TMEM161B: variants seen among roughly 807,000 people sequenced by gnomAD.
The protein encoded by TMEM161B is transmembrane protein 161B.
TMEM161B carries 34 observed loss-of-function variants against 61.8 expected under a neutral mutation model. The ratio of observed to expected loss-of-function variants is 0.55; its 90% CI spans 0.42 to 0.73. The LOEUF (loss-of-function observed/expected upper bound fraction) is 0.73, where lower values mean the gene tolerates loss of function less well. Among genes scored for constraint, TMEM161B ranks in the 30% least tolerant of loss-of-function variants. The pLI is 0.00. For missense variants in TMEM161B, 456 were observed against 558.5 expected (o/e 0.82, Z 1.85); for synonymous variants, 167 against 192.8 (o/e 0.87, Z 1.11).
At chr5:88,262,123 C>T (rs1005226255) in intron 1 of TMEM161B, among the ~76,000 whole-genome samples, 10 of 152,206 alleles carry the variant, frequency 6.6e-5, no homozygotes, top group Middle Eastern at 3.4e-3. Flanking sequence ...CCTTAAAAGA[C>T]ACCTCACCAA....
At chr5:88,224,530 G>T (rs1282105224) in intron 4 of TMEM161B, among the ~76,000 whole-genome samples, 1 of 152,108 alleles carries the variant, frequency 6.6e-6, no homozygotes, top group African/African-American at 2.4e-5. Context: ...GACCTATTTG[G>T]AAATAAATGG....
chr5:88,239,311 A>G (rs1000821051), intron 2 of TMEM161B, among the ~76,000 whole-genome samples: 1 of 151,998 alleles, frequency 6.6e-6, no homozygotes, highest in African/African-American at 2.4e-5. Flanking sequence ...TAAGGAAGTG[A>G]CATTACATCA....
At chr5:88,208,383 G>A (rs1369029686) in intron 5 of TMEM161B, among the ~76,000 whole-genome samples, 7 of 152,222 alleles carry the variant, frequency 4.6e-5, no homozygotes, top group African/African-American at 1.4e-4. Flanking sequence ...TAGGGAGGCT[G>A]TGGCAGCAGA....
intron 2 of TMEM161B, among the ~76,000 whole-genome samples, chr5:88,229,864 G>A (rs375248067): frequency 2.2e-3 from 328 of 151,638 alleles, no homozygotes; most frequent in African/African-American, 7.7e-3. Context: ...GGGATTATAA[G>A]CATTAGCCAT....
chr5:88,263,020 T>G (rs1298461848), intron 1 of TMEM161B, among the ~76,000 whole-genome samples: 2 of 152,322 alleles, frequency 1.3e-5, no homozygotes, highest in East Asian at 3.9e-4. Flanking sequence ...GTTTACTGTT[T>G]GGAAAGTTGA....
chr5:88,237,269 T>C (rs1294656929), intron 2 of TMEM161B, among the ~76,000 whole-genome samples: 1 of 152,160 alleles, frequency 6.6e-6, no homozygotes, highest in Non-Finnish European at 1.5e-5. Context: ...CCAGCCTATG[T>C]AATGTGGGCA....
rs201032572 is a variant in TMEM161B at position 88,198,994 on chromosome 5, C to G, written c.1071G>C (p.Thr357=). 21 of 1,612,418 alleles carry G rather than the reference C, an allele frequency of 1.3e-5. No homozygotes were observed. The highest frequency in any genetic ancestry group is 1.8e-5 in the Non-Finnish European group (21 of 1,179,176). The change falls in exon 10 of 12, where the codon ACG becomes ACC. Residue 357 remains threonine, a synonymous_variant. Coordinates refer to ENST00000296595, the MANE Select transcript of TMEM161B (RefSeq NM_153354.5). ...AACTTACCATTTTCTGTAGCTCAAC[C>G]GTGCTTATTCGCCCCGCTTCTTTCT... ...QMKKEAGRIS[T]VELQKMVARV...
At chr5:88,197,921 C>A in intron 10 of TMEM161B, 156 bp from the exon 11 acceptor site, 1 of 498,608 alleles carries the variant, frequency 2.0e-6, no homozygotes, top group Non-Finnish European at 3.4e-6. Flanking sequence ...TACATGTCCC[C>A]AAAATGACTT....
chr5:88,261,983 A>C (rs769143931), intron 1 of TMEM161B, among the ~76,000 whole-genome samples: 21 of 152,318 alleles, frequency 1.4e-4, no homozygotes, highest in Admixed American at 5.2e-4. Context: ...CAAGGAAATG[A>C]GAAAACAAAC....
intron 9 of TMEM161B, chr5:88,202,131 G>T: frequency 2.2e-6 from 1 of 453,960 alleles, no homozygotes; most frequent in Non-Finnish European, 4.4e-6. Flanking sequence ...TTCCAGATGG[G>T]GAAACAGAGG....
At chr5:88,263,052 G>T (rs570004125) in intron 1 of TMEM161B, among the ~76,000 whole-genome samples, 70 of 152,146 alleles carry the variant, frequency 4.6e-4, no homozygotes, top group South Asian at 8.3e-4. Flanking sequence ...TTTATGGAAA[G>T]ATTTATATAA....
Position 88,206,508 on chromosome 5 carries a change from G to GA in TMEM161B, c.599-10dup, listed in dbSNP as rs558912554. ...TGAAAAATTTGTAAACCCTGTGGGG[G>GA]AAAAAAAAAAAAACAACAGATTACT... On this transcript the variant is annotated splice_polypyrimidine_tract_variant and intron_variant, in intron 6 of 11. Transcript: ENST00000296595. The GA allele has an allele frequency of 8.0e-3, 10,386 of 1,300,318 alleles. 2 individuals carry two copies. The highest frequency in any genetic ancestry group is 0.017 in the African/African-American group (1,147 of 66,424). 80.5% of individuals were successfully genotyped at this position (1,300,318 alleles called of 1,614,324 possible). A position where few individuals can be genotyped will look rare whatever the true frequency, so the allele number is the denominator to read the frequency against.
chr5:88,257,192 G>A (rs1755094147), intron 1 of TMEM161B, among the ~76,000 whole-genome samples: 1 of 152,180 alleles, frequency 6.6e-6, no homozygotes, highest in East Asian at 1.9e-4. Flanking sequence ...TCGCAAGACT[G>A]GGAGGGGAGG....
chr5:88,238,565 C>T (rs781577437), intron 2 of TMEM161B, among the ~76,000 whole-genome samples: 6 of 151,982 alleles, frequency 3.9e-5, no homozygotes, highest in Non-Finnish European at 7.4e-5. Flanking sequence ...ATTCATGATC[C>T]TCTCCTTAAA....
intron 1 of TMEM161B, among the ~76,000 whole-genome samples, chr5:88,254,769 T>C (rs1182305311): frequency 1.3e-5 from 2 of 151,138 alleles, no homozygotes; most frequent in African/African-American, 2.4e-5. Context: ...TTTAGCCCAG[T>C]AGGTTGAGAC....
At chr5:88,216,730 C>T (rs1045055863) in intron 5 of TMEM161B, among the ~76,000 whole-genome samples, 2 of 152,146 alleles carry the variant, frequency 1.3e-5, no homozygotes, top group South Asian at 2.1e-4. Flanking sequence ...AAAGATGGTG[C>T]CACAGTCTCC....
chr5:88,193,357 A>C (rs889433126), downstream of TMEM161B, among the ~76,000 whole-genome samples: 3 of 152,166 alleles, frequency 2.0e-5, no homozygotes, highest in African/African-American at 7.2e-5. Context: ...TATATTGACT[A>C]AAGTATAACA....
chr5:88,240,172 G>T (rs1427265888), intron 2 of TMEM161B, among the ~76,000 whole-genome samples: 1 of 151,714 alleles, frequency 6.6e-6, no homozygotes, highest in East Asian at 1.9e-4. Flanking sequence ...TGGTGTAGTA[G>T]ACAAAATTAA....
At chr5:88,231,522 A>G (rs752424735) in intron 2 of TMEM161B, among the ~76,000 whole-genome samples, 3 of 152,352 alleles carry the variant, frequency 2.0e-5, no homozygotes, top group African/African-American at 7.2e-5. Flanking sequence ...TGCTTTTTGT[A>G]TACTTCAAAG....
Sources: gnomAD v4.1 joint callset for allele counts (sites outside exome capture counted in the v4.1 genomes callset) on GRCh38, gnomAD v4.1.1 for gene constraint, MANE v1.5 for transcripts, NCBI Gene and HGNC (gene_info 2026-07-23, HGNC 2026-07-21) for gene names.